The following CBLB variants were observed in gnomAD, a reference collection of about 807,000 sequenced individuals.
CBLB encodes the protein E3 ubiquitin-protein ligase CBL-B.
A neutral mutation model predicts 104.9 loss-of-function variants in CBLB; 31 were observed. That is an observed-to-expected ratio of 0.30 (90% CI 0.22 to 0.40). The LOEUF (loss-of-function observed/expected upper bound fraction) is 0.40, where lower values mean the gene tolerates loss of function less well. Among genes scored for constraint, CBLB ranks in the 10% least tolerant of loss-of-function variants. The pLI, the probability that CBLB is intolerant of heterozygous loss-of-function variation, is 1.00. For missense variants in CBLB, 1,062 were observed against 1,214.6 expected (o/e 0.87, Z 1.87); for synonymous variants, 440 against 422.6 (o/e 1.04, Z -0.51).
At chr3:105,868,705 G>A (rs1706607029) in intron 1 of CBLB, 31 bp downstream of exon 1, 2 of 997,666 alleles carry the variant, frequency 2.0e-6, no homozygotes, top group Non-Finnish European at 1.2e-6. Context: ...AAGAAGTGTG[G>A]AGCCTCCCCG....
At chr3:105,720,960 T>C (rs762262119) in intron 9 of CBLB, among the ~76,000 whole-genome samples, 2 of 152,220 alleles carry the variant, frequency 1.3e-5, no homozygotes, top group African/African-American at 2.4e-5. Context: ...CTGGTCATTA[T>C]TGGATGTTTT....
chr3:105,739,298 A>G (rs980607207), intron 7 of CBLB, among the ~76,000 whole-genome samples: 7 of 151,988 alleles, frequency 4.6e-5, no homozygotes, highest in African/African-American at 1.5e-4. Context: ...TTTTGCAATT[A>G]CTTTGATAAA....
intron 18 of CBLB, among the ~76,000 whole-genome samples, chr3:105,668,912 G>C (rs967668883): frequency 3.9e-5 from 6 of 152,224 alleles, no homozygotes; most frequent in African/African-American, 1.4e-4. Flanking sequence ...TGAGGTTTTA[G>C]CTTAAAAAAA....
chr3:105,734,214 A>G, intron 8 of CBLB, 74 bp from the exon 9 acceptor site: 1 of 1,474,220 alleles, frequency 6.8e-7, no homozygotes, highest in Non-Finnish European at 9.5e-7. Context: ...AAATTTTCCC[A>G]AATAAAATGA....
chr3:105,854,544 C>A (rs1248511006), intron 2 of CBLB, among the ~76,000 whole-genome samples: 3 of 151,122 alleles, frequency 2.0e-5, no homozygotes, highest in Non-Finnish European at 4.4e-5. Flanking sequence ...GTTAAATGTT[C>A]ACATAAAGAT....
intron 3 of CBLB, among the ~76,000 whole-genome samples, chr3:105,811,956 C>T (rs1011663543): frequency 6.6e-6 from 1 of 152,008 alleles, no homozygotes; most frequent in Non-Finnish European, 1.5e-5. Context: ...TGCCACCTTG[C>T]CCTCCCAAAG....
At chr3:105,840,386 GA>G (rs79908581) in intron 3 of CBLB, among the ~76,000 whole-genome samples, 10,473 of 143,754 alleles carry the variant, frequency 0.073, 519 homozygotes, top group Admixed American at 0.16. Context: ...CATCGTGTTA[GA>G]AAAAAAAAAA....
chr3:105,814,606 T>G (rs112494247), intron 3 of CBLB, among the ~76,000 whole-genome samples: 1 of 8,760 alleles, frequency 1.1e-4, no homozygotes, highest in East Asian at 5.9e-3. Flanking sequence ...GAAATCACTC[T>G]TGTGTCCATT....
intron 3 of CBLB, among the ~76,000 whole-genome samples, chr3:105,849,909 T>G (rs1051945050): frequency 6.6e-6 from 1 of 152,058 alleles, no homozygotes; most frequent in Non-Finnish European, 1.5e-5. Context: ...AAATAAAAAT[T>G]TAACATAAAT....
In CBLB at chr3:105,657,579, T is replaced by C. The variant is rs1178458908; in HGVS notation, c.*1391A>G. The C allele has an allele frequency of 4.9e-6, 1 of 204,702 alleles. No homozygotes were observed. The highest frequency in any genetic ancestry group is 1.0e-5 in the Non-Finnish European group (1 of 99,896). 12.7% of individuals were successfully genotyped at this position (204,702 alleles called of 1,614,324 possible). On this transcript the variant is annotated 3_prime_UTR_variant, in exon 19 of 19. Transcript: ENST00000394030. ...ATAAAACATTACGCTGGAATCAGCT[T>C]TTGAGAGTTTGTGCTTTAAAAACAC...
intron 4 of CBLB, among the ~76,000 whole-genome samples, chr3:105,776,183 G>T (rs1430324751): frequency 1.3e-5 from 2 of 152,094 alleles, no homozygotes; most frequent in Non-Finnish European, 2.9e-5. Context: ...AAATAACATT[G>T]TATAATATTT....
At chr3:105,665,805 C>T (rs1032796212) in intron 18 of CBLB, among the ~76,000 whole-genome samples, 9 of 151,144 alleles carry the variant, frequency 6.0e-5, no homozygotes, top group African/African-American at 1.5e-4. Context: ...CCGAGGTGGG[C>T]GGATCACAAG....
At position 105,854,146 on chromosome 3, in the gene CBLB, C is replaced by T. The variant is rs565839192; in HGVS notation, c.169-482G>A. Among the ~76,000 whole-genome samples the T allele has an allele frequency of 4.6e-5, 7 of 152,194 alleles. No individual in the cohort carries two copies. The South Asian group carries it at 1.5e-3, about 32-fold the overall frequency. ...CCGAGGACAATAAAACAAAGAGGTGCAATTTGAATAACTGAGTTATTAAGT... is the reference window on the plus strand; with the variant it reads ...CCGAGGACAATAAAACAAAGAGGTGTAATTTGAATAACTGAGTTATTAAGT... On this transcript the variant is annotated intron_variant, in intron 2 of 18. Transcript: ENST00000394030.
intron 2 of CBLB, among the ~76,000 whole-genome samples, chr3:105,854,122 C>T (rs1407939681): frequency 1.3e-5 from 2 of 152,004 alleles, no homozygotes; most frequent in Non-Finnish European, 2.9e-5. Flanking sequence ...TTCTGAACCC[C>T]GAGGACAATA....
chr3:105,689,087 C>T (rs536386696), intron 13 of CBLB, among the ~76,000 whole-genome samples: 2 of 151,944 alleles, frequency 1.3e-5, no homozygotes, highest in Non-Finnish European at 2.9e-5. Flanking sequence ...TATCCTCTTC[C>T]CTGCTTATTT....
intron 9 of CBLB, among the ~76,000 whole-genome samples, chr3:105,730,581 T>C (rs1203779172): frequency 6.6e-6 from 1 of 151,778 alleles, no homozygotes; most frequent in Non-Finnish European, 1.5e-5. Context: ...AGAAAGAAAA[T>C]ACATAAATAT....
At chr3:105,731,560 A>G (rs2074317306) in intron 9 of CBLB, among the ~76,000 whole-genome samples, 1 of 152,194 alleles carries the variant, frequency 6.6e-6, no homozygotes, top group South Asian at 2.1e-4. Context: ...TTGTTGCTTT[A>G]TATTCAGCCA....
At chr3:105,763,473 C>G (rs1182559100) in intron 4 of CBLB, among the ~76,000 whole-genome samples, 1 of 152,162 alleles carries the variant, frequency 6.6e-6, no homozygotes, top group Non-Finnish European at 1.5e-5. Flanking sequence ...AGTGGTTTCC[C>G]ACAAACTATT....
At chr3:105,751,373 T>A (rs755659552) in intron 5 of CBLB, 89 bp downstream of exon 5, 152 of 864,124 alleles carry the variant, frequency 1.8e-4, no homozygotes, top group Middle Eastern at 5.5e-4. Flanking sequence ...TGTGTGTGTG[T>A]GAGAGAGAGA....
Sources: gnomAD v4.1 joint callset for allele counts (sites outside exome capture counted in the v4.1 genomes callset) on GRCh38, gnomAD v4.1.1 for gene constraint, MANE v1.5 for transcripts, NCBI Gene and HGNC (gene_info 2026-07-23, HGNC 2026-07-21) for gene names.